Variants in PLAGL1 observed in about 807,000 individuals in gnomAD.
The protein encoded by PLAGL1 is PLAG1 like zinc finger 1.
In PLAGL1, 1 loss-of-function variant was observed where a neutral mutation model predicts 4.6. The observed-to-expected ratio is 0.22, with a 90% CI of 0.08 to 1.03. PLAGL1 has a LOEUF of 1.03. PLAGL1 is among the 50% of genes least tolerant of loss of function. PLAGL1 has a pLI of 0.58. For missense variants in PLAGL1, 464 were observed against 570.4 expected (o/e 0.81, Z 1.90); for synonymous variants, 240 against 237.8 (o/e 1.01, Z -0.08).
chr6:144,018,153 T>C (rs1196671329), intron 1 of PLAGL1, among the ~76,000 whole-genome samples: 4 of 152,300 alleles, frequency 2.6e-5, no homozygotes, highest in Admixed American at 2.6e-4. Flanking sequence ...TCGGGGAACA[T>C]TGAAGAGGAA....
At chr6:144,012,246 G>A (rs934805059), upstream of PLAGL1, among the ~76,000 whole-genome samples, 20 of 151,892 alleles carry the variant, frequency 1.3e-4, no homozygotes, top group African/African-American at 2.2e-4. This position sits in a 1 kb window ranked among gnomAD's most constrained non-coding sequence, Gnocchi z 4.8. Context: ...ACAGAGTCTC[G>A]CTCTGTCACC....
At position 143,984,579 on chromosome 6, in the gene PLAGL1, C is replaced by T. The variant is rs1788624299; in HGVS notation, c.-544+556G>A. On this transcript the variant is annotated intron_variant, in intron 2 of 7. Transcript: ENST00000674357. The surrounding 1 kb of genome is among the most constrained non-coding windows in gnomAD (Gnocchi z 5.5). Reference sequence around the variant, plus strand: ...AGAGGTGAAACAGAACCTGCTAGAACAAGATTCAAGATACAGACTTAGAAT... The same window carrying T: ...AGAGGTGAAACAGAACCTGCTAGAATAAGATTCAAGATACAGACTTAGAAT... Among the ~76,000 whole-genome samples, 1 of 152,046 alleles carries T rather than the reference C, an allele frequency of 6.6e-6. No individual in the cohort carries two copies. Among genetic ancestry groups the T allele is most frequent in the African/African-American group, 2.4e-5 (1 of 41,396 alleles).
At chr6:144,047,060 G>C (rs182776432) in intron 1 of PLAGL1, among the ~76,000 whole-genome samples, 1 of 152,350 alleles carries the variant, frequency 6.6e-6, no homozygotes, top group East Asian at 1.9e-4. Flanking sequence ...GAAAAGCACA[G>C]TATTTGGGTG....
In PLAGL1 at chr6:143,941,935, G is replaced by A. The variant is rs918477311; in HGVS notation, c.881C>T (p.Pro294Leu). ...CTTGTGATTGGGAAGGGGTGGCGGA[G>A]GAGAGCCAGGGGATACCGAGGGGTG... The part of the protein sequence containing the change: ...SLHPSVSPGS[P>L]PPPLPNHKYN... Residue 294 changes from proline (P) to leucine (L), a missense_variant, in exon 8 of 8, where the codon CCT becomes CTT. Pro to Leu is a moderately conservative substitution (Grantham distance 98). Transcript: ENST00000674357. The surrounding 1 kb of genome is among the most constrained non-coding windows in gnomAD (Gnocchi z 6.0). 1 of 1,608,580 alleles carries A rather than the reference G, an allele frequency of 6.2e-7. No homozygotes were observed.
chr6:143,976,159 G>A (rs1032904509), intron 2 of PLAGL1, among the ~76,000 whole-genome samples: 6 of 151,994 alleles, frequency 3.9e-5, no homozygotes, highest in African/African-American at 1.4e-4. Flanking sequence ...TGGGAAGACA[G>A]AGGCCACTAA....
Position 143,947,935 on chromosome 6 carries a change from G to A in PLAGL1, c.152+50C>T, listed in dbSNP as rs368637853. 42 of 1,520,806 alleles carry A rather than the reference G, an allele frequency of 2.8e-5. No individual in the cohort carries two copies. In the African/African-American group the frequency reaches 5.5e-4, roughly 20 times the overall value. The allele number at this position is 1,520,806 out of a possible 1,614,324, so 94.2% of individuals were successfully genotyped here. On this transcript the variant is annotated intron_variant, in intron 7 of 7. Transcript: ENST00000674357. This position sits in a 1 kb window ranked among gnomAD's most constrained non-coding sequence, Gnocchi z 4.3. ...ATCGTGTGGTCTGAGGGCTAGAAAAGCCATTTAAACGTACTTCTAAAAGTG... is the reference window on the plus strand; with the variant it reads ...ATCGTGTGGTCTGAGGGCTAGAAAAACCATTTAAACGTACTTCTAAAAGTG...
intron 1 of PLAGL1, among the ~76,000 whole-genome samples, chr6:144,043,433 C>T (rs1248735771): frequency 6.6e-6 from 1 of 152,044 alleles, no homozygotes; most frequent in Non-Finnish European, 1.5e-5. Context: ...TTGAGATAAT[C>T]ACATGGTTTT....
At chr6:144,052,220 T>C (rs1212956704) in intron 1 of PLAGL1, among the ~76,000 whole-genome samples, 1 of 152,166 alleles carries the variant, frequency 6.6e-6, no homozygotes, top group Non-Finnish European at 1.5e-5. Context: ...TCATTCAATA[T>C]GGCAAGGAAA....
intron 6 of PLAGL1, among the ~76,000 whole-genome samples, chr6:143,956,620 A>C (rs1432079287): frequency 6.6e-6 from 1 of 152,184 alleles, no homozygotes; most frequent in Non-Finnish European, 1.5e-5. Flanking sequence ...TATAGATGGG[A>C]GCTTTTCTTT....
rs192082892 is a variant in PLAGL1 at position 143,973,227 on chromosome 6, G to C, written c.-543-4249C>G. ...TTCAGCGAGTTCCCAGGGAGCAGCT[G>C]CAACAAAGAGATCAAAGGCCCACCT... On this transcript the variant is annotated intron_variant, in intron 2 of 7. Transcript: ENST00000674357. The surrounding 1 kb of genome is among the most constrained non-coding windows in gnomAD (Gnocchi z 6.2). Among the ~76,000 whole-genome samples the C allele has an allele frequency of 6.6e-6, 1 of 152,238 alleles. No individual in the cohort carries two copies. The highest frequency in any genetic ancestry group is 2.4e-5 in the African/African-American group (1 of 41,522).
At position 143,972,943 on chromosome 6, in the gene PLAGL1, GTTCATTACACACTAGCCCCAAAC is replaced by G. The variant is rs1341665930; in HGVS notation, c.-543-3988_-543-3966del. Among the ~76,000 whole-genome samples the G allele has an allele frequency of 6.6e-6, 1 of 152,130 alleles. No homozygotes were observed. The highest frequency in any genetic ancestry group is 1.9e-4 in the East Asian group (1 of 5,202). ...ACATAGTTGTGACAAAACCTCCATT[GTTCATTACACACTAGCCCCAAAC>G]TTGAGTAATTCTAATGTAAGCATGA... On this transcript the variant is annotated intron_variant, in intron 2 of 7. Transcript: ENST00000674357. This position sits in a 1 kb window ranked among gnomAD's most constrained non-coding sequence, Gnocchi z 6.8.
chr6:144,062,443 CATA>C (rs945919704), intron 1 of PLAGL1, among the ~76,000 whole-genome samples: 3 of 111,108 alleles, frequency 2.7e-5, no homozygotes, highest in Non-Finnish European at 5.2e-5. Flanking sequence ...ATTATCAGCA[CATA>C]ATTACACTAG....
chr6:143,981,408 G>A (rs1787922105), intron 2 of PLAGL1, among the ~76,000 whole-genome samples: 1 of 152,068 alleles, frequency 6.6e-6, no homozygotes, highest in African/African-American at 2.4e-5. Flanking sequence ...AAGATCTCTG[G>A]AGCTCACTCT....
Position 143,978,838 on chromosome 6 carries a change from G to A in PLAGL1, c.-544+6297C>T, listed in dbSNP as rs1261254770. Reference sequence around the variant, plus strand: ...TTAAGTCAATGTGGTTGATAGCACTGTTCAAGTCTTCTATAGCCTTCTTGG... The same window carrying A: ...TTAAGTCAATGTGGTTGATAGCACTATTCAAGTCTTCTATAGCCTTCTTGG... On this transcript the variant is annotated intron_variant, in intron 2 of 7. Coordinates refer to ENST00000674357, the MANE Select transcript of PLAGL1 (RefSeq NM_001317162.2). This position sits in a 1 kb window ranked among gnomAD's most constrained non-coding sequence, Gnocchi z 4.6. Among the ~76,000 whole-genome samples the A allele has an allele frequency of 6.6e-6, 1 of 152,150 alleles. No individual in the cohort carries two copies. Among genetic ancestry groups the A allele is most frequent in the African/African-American group, 2.4e-5 (1 of 41,442 alleles).
chr6:144,027,636 T>A lies in PLAGL1; in HGVS notation c.-151+36832A>T, dbSNP rs1562587978. Among the ~76,000 whole-genome samples, 1 of 152,224 alleles carries A rather than the reference T, an allele frequency of 6.6e-6. No homozygotes were observed. The highest frequency in any genetic ancestry group is 1.5e-5 in the Non-Finnish European group (1 of 68,038). ...CAAATTCTAAGACTGTACAGTGCTTTGATTTACACAAATATAACCTCTTGC... is the reference window on the plus strand; with the variant it reads ...CAAATTCTAAGACTGTACAGTGCTTAGATTTACACAAATATAACCTCTTGC... On this transcript the variant is annotated intron_variant, in intron 1 of 3. Transcript: ENST00000437412. The surrounding 1 kb of genome is among the most constrained non-coding windows in gnomAD (Gnocchi z 5.8).
chr6:143,987,185 C>T (rs1789378222), intron 1 of PLAGL1, among the ~76,000 whole-genome samples: 1 of 151,840 alleles, frequency 6.6e-6, no homozygotes, highest in Non-Finnish European at 1.5e-5. Flanking sequence ...TTATAATCTC[C>T]CCCAGTTACT....
intron 1 of PLAGL1, among the ~76,000 whole-genome samples, chr6:144,045,843 G>T (rs1227416624): frequency 2.0e-5 from 3 of 152,056 alleles, no homozygotes; most frequent in Admixed American, 6.6e-5. Context: ...CGTAGATTTG[G>T]TCTTTTCACA....
Position 144,063,007 on chromosome 6 carries a change from C to T in PLAGL1, c.-151+1461G>A, listed in dbSNP as rs1799544385. Among the ~76,000 whole-genome samples, 1 of 152,198 alleles carries T rather than the reference C, an allele frequency of 6.6e-6. No homozygotes were observed. The highest frequency in any genetic ancestry group is 1.5e-5 in the Non-Finnish European group (1 of 68,034). On this transcript the variant is annotated intron_variant, in intron 1 of 3. Coordinates refer to the PLAGL1 transcript ENST00000437412. The surrounding 1 kb of genome is among the most constrained non-coding windows in gnomAD (Gnocchi z 5.7). ...ACCATCCTCCACCGGCTGGAGCTGG[C>T]TCACTTTTCATCCTGCTGACAATTT...
chr6:143,964,623 G>A lies in PLAGL1; in HGVS notation c.-399+164C>T, dbSNP rs1160864840. On this transcript the variant is annotated intron_variant, in intron 5 of 7. Transcript: ENST00000674357. This position sits in a 1 kb window ranked among gnomAD's most constrained non-coding sequence, Gnocchi z 4.3. ...TGGAGCCAATCTAGTTTTCAAAAAAGGCCACCGCTTCGTTAGAGAGAGGAC... is the reference window on the plus strand; with the variant it reads ...TGGAGCCAATCTAGTTTTCAAAAAAAGCCACCGCTTCGTTAGAGAGAGGAC... Among the ~76,000 whole-genome samples the A allele has an allele frequency of 6.6e-6, 1 of 151,424 alleles. No individual in the cohort carries two copies. The highest frequency in any genetic ancestry group is 1.5e-5 in the Non-Finnish European group (1 of 67,886).
Sources: gnomAD v4.1 joint callset for allele counts (sites outside exome capture counted in the v4.1 genomes callset) on GRCh38, gnomAD v4.1.1 for gene constraint, Gnocchi (gnomAD v3.1) non-coding constraint, MANE v1.5 for transcripts, NCBI Gene and HGNC (gene_info 2026-07-23, HGNC 2026-07-21) for gene names.